UNC13C: variants seen among roughly 807,000 people sequenced by gnomAD.
UNC13C encodes the protein unc-13 homolog C, also known as protein unc-13 homolog C.
In UNC13C, 174 loss-of-function variants were observed where a neutral mutation model predicts 245.4. The observed-to-expected ratio is 0.71, with a 90% CI of 0.63 to 0.80. The LOEUF is 0.80. UNC13C is among the 30% of genes least tolerant of loss of function. UNC13C has a pLI of 0.00. For synonymous variants in UNC13C, 992 were observed against 895.1 expected (o/e 1.11, Z -1.93); for missense variants, 2,829 against 2,602.9 (o/e 1.09, Z -1.89).
At chr15:53,892,611 T>G in the UNC13C span, among the ~76,000 whole-genome samples, 1 of 152,198 alleles carries the variant, frequency 6.6e-6, no homozygotes, top group Non-Finnish European at 1.5e-5. Context: ...TCTCACTTTA[T>G]TTCATTAAGT....
chr15:54,428,126 C>T (rs1222554964), intron 19 of UNC13C, among the ~76,000 whole-genome samples: 1 of 151,804 alleles, frequency 6.6e-6, no homozygotes, highest in Non-Finnish European at 1.5e-5. Flanking sequence ...GTGCCTAGTA[C>T]TCCATGAGTG....
intron 12 of UNC13C, 21 bp from the exon 13 acceptor site, chr15:54,300,189 T>A (rs765237521): frequency 3.8e-6 from 6 of 1,586,906 alleles, no homozygotes; most frequent in Non-Finnish European, 5.1e-6. Flanking sequence ...CACTGAACAA[T>A]TAAAAACCAC....
intron 24 of UNC13C, 117 bp from the exon 25 acceptor site, chr15:54,525,432 A>AG: frequency 3.6e-6 from 2 of 549,104 alleles, no homozygotes; most frequent in East Asian, 6.6e-5. Flanking sequence ...AAAAAAGAAG[A>AG]GAAAAAAGCT....
At chr15:53,922,322 T>A in the UNC13C span, among the ~76,000 whole-genome samples, 1 of 152,232 alleles carries the variant, frequency 6.6e-6, no homozygotes, top group Non-Finnish European at 1.5e-5. Context: ...TCCCAGAAGA[T>A]GTTTAATCGA....
At chr15:54,552,705 A>C in intron 28 of UNC13C, among the ~76,000 whole-genome samples, 1 of 88,056 alleles carries the variant, frequency 1.1e-5, no homozygotes, top group South Asian at 3.7e-4. Flanking sequence ...TATTATATAT[A>C]ATTATATTAT....
At chr15:54,008,184 G>A (rs1169447478) in intron 1 of UNC13C, among the ~76,000 whole-genome samples, 4 of 152,146 alleles carry the variant, frequency 2.6e-5, no homozygotes, top group Non-Finnish European at 5.9e-5. Flanking sequence ...TAACATATCT[G>A]CAAAACATAT....
intron 2 of UNC13C, among the ~76,000 whole-genome samples, chr15:54,045,585 A>G (rs1897002454): frequency 6.6e-6 from 1 of 152,168 alleles, no homozygotes; most frequent in Admixed American, 6.5e-5. Context: ...GCCACTCTAG[A>G]TGAACTGATT....
intron 26 of UNC13C, among the ~76,000 whole-genome samples, chr15:54,537,308 A>T (rs966738190): frequency 6.6e-6 from 1 of 152,106 alleles, no homozygotes; most frequent in Non-Finnish European, 1.5e-5. Context: ...CAAGAATTAC[A>T]AAATATTGCT....
In UNC13C at chr15:54,627,104, G is replaced by A. The variant is rs1369023263; in HGVS notation, c.6636G>A (p.Glu2212=). The change falls in exon 33 of 33, where the codon GAG becomes GAA. Residue 2212 remains glutamate, a synonymous_variant. Transcript: ENST00000260323. ...AATCTGAAACAAGATCTACTGAAGA[G>A]AGTGCTTGAAACAAACACTGCAAGC... is the stretch of plus-strand genomic sequence containing the variant. The part of the protein sequence containing the change: ...RLKSETRSTE[E]SA 2.5e-6 allele frequency: 4 copies of A among 1,608,836 alleles called. No individual in the cohort carries two copies. Among genetic ancestry groups the A allele is most frequent in the Non-Finnish European group, 3.4e-6 (4 of 1,177,070 alleles).
intron 4 of UNC13C, among the ~76,000 whole-genome samples, chr15:54,178,170 C>A (rs1006335464): frequency 6.6e-6 from 1 of 152,066 alleles, no homozygotes. Context: ...CTATACAATC[C>A]TGTATTTAGG....
the UNC13C span, among the ~76,000 whole-genome samples, chr15:53,920,547 G>C: frequency 3.3e-5 from 5 of 152,068 alleles, no homozygotes; most frequent in South Asian, 1.0e-3. Context: ...GAGTGAAACT[G>C]TCTCAAAAAT....
the UNC13C span, among the ~76,000 whole-genome samples, chr15:53,918,571 G>A: frequency 6.6e-6 from 1 of 152,180 alleles, no homozygotes; most frequent in African/African-American, 2.4e-5. Context: ...CCCTGGCTGT[G>A]ACAGCCAAGG....
intron 2 of UNC13C, among the ~76,000 whole-genome samples, chr15:54,096,978 A>G (rs1346511433): frequency 6.6e-6 from 1 of 152,234 alleles, no homozygotes; most frequent in East Asian, 1.9e-4. Flanking sequence ...ATTCTCTGCA[A>G]TAAAAATATA....
chr15:54,546,780 T>A lies in UNC13C; in HGVS notation c.5755T>A (p.Leu1919Ile). The A allele has an allele frequency of 6.4e-7, 1 of 1,563,070 alleles. No homozygotes were observed. The highest frequency in any genetic ancestry group is 1.4e-5 in the African/African-American group (1 of 73,698). The change falls in exon 27 of 33, where the codon TTA becomes ATA. Residue 1919 changes from leucine (L) to isoleucine (I), a missense_variant. Coordinates refer to ENST00000260323, the MANE Select transcript of UNC13C (RefSeq NM_001080534.3). ...KTVLKRVLKE[L>I]WKLVLNKIEK... is the part of the protein sequence containing the mutation. The stretch of plus-strand genomic sequence containing the variant: ...AGTCCTAAAGCGAGTTTTAAAAGAG[T>A]TATGGAAGCTAGTTCTCAACAAAAT...
Position 54,620,218 on chromosome 15 carries a change from AG to A in UNC13C, c.6107-2108del, listed in dbSNP as rs1900706523. On this transcript the variant is annotated intron_variant, in intron 30 of 32. Coordinates refer to ENST00000260323, the MANE Select transcript of UNC13C (RefSeq NM_001080534.3). ...CTGAGTACATAAGCAAGATTTTTAA[AG>A]CCTCTGCCCCTGACGTCAATATAAC... Among the ~76,000 whole-genome samples the A allele has an allele frequency of 3.9e-5, 6 of 152,278 alleles. No individual in the cohort carries two copies. The South Asian group carries it at 1.0e-3, about 26-fold the overall frequency.
At chr15:54,398,527 A>G (rs997605576) in intron 18 of UNC13C, among the ~76,000 whole-genome samples, 3 of 151,318 alleles carry the variant, frequency 2.0e-5, no homozygotes, top group Admixed American at 6.6e-5. Flanking sequence ...AAAATTTGAC[A>G]TTTTCTTTTC....
chr15:54,048,778 G>A (rs767019278), intron 2 of UNC13C: 12 of 247,984 alleles, frequency 4.8e-5, no homozygotes, highest in Non-Finnish European at 8.2e-5. Context: ...TGAACCAGAG[G>A]GCCGTTAACT....
rs554692204 is a variant in UNC13C at position 54,015,184 on chromosome 15, C to G, written c.2281C>G (p.Arg761Gly). The G allele has an allele frequency of 1.2e-6, 2 of 1,612,712 alleles. No homozygotes were observed. Among genetic ancestry groups the G allele is most frequent in the Non-Finnish European group, 1.7e-6 (2 of 1,179,424 alleles). The stretch of plus-strand genomic sequence containing the variant: ...TCAAAACCAGTTGTCCATGATGTAT[C>G]GAAGTCAAAGTGAATTGCAAAGTGA... ...QNQNQLSMMY[R>G]SQSELQSDDS... The change falls in exon 2 of 33, where the codon CGA becomes GGA. Residue 761 changes from arginine (R) to glycine (G), a missense_variant. Physicochemically the swap from Arg to Gly is moderately radical, Grantham distance 125 (BLOSUM62 -2). Coordinates refer to ENST00000260323, the MANE Select transcript of UNC13C (RefSeq NM_001080534.3).
chr15:53,942,955 G>A, the UNC13C span, among the ~76,000 whole-genome samples: 1 of 152,160 alleles, frequency 6.6e-6, no homozygotes, highest in South Asian at 2.1e-4. Flanking sequence ...GAGCCATTGT[G>A]CCCAGCCTAT....
Sources: allele counts gnomAD v4.1 joint callset (sites outside exome capture counted in the v4.1 genomes callset), GRCh38; gene constraint gnomAD v4.1.1; transcripts MANE v1.5; gene names NCBI Gene and HGNC (gene_info 2026-07-23, HGNC 2026-07-21).